Variants in DYM observed in about 807,000 individuals in gnomAD.
DYM encodes the protein dymeclin.
A neutral mutation model predicts 93.1 loss-of-function variants in DYM; 78 were observed. The ratio of observed to expected loss-of-function variants is 0.84; its 90% confidence interval spans 0.70 to 1.01. DYM has a LOEUF of 1.01. Among genes scored for constraint, DYM ranks in the 50% least tolerant of loss-of-function variants. The pLI, the probability that DYM is intolerant of heterozygous loss-of-function variation, is 0.00. For synonymous variants in DYM, 321 were observed against 319.7 expected, an observed-to-expected ratio of 1.00 and a Z score of -0.04; for missense variants, 789 against 845.0, an observed-to-expected ratio of 0.93 and a Z score of 0.82.
At chr18:49,308,154 A>G (rs572915436) in intron 8 of DYM, among the ~76,000 whole-genome samples, 102 of 152,198 alleles carry the variant, frequency 6.7e-4, no homozygotes, top group Non-Finnish European at 1.3e-3. Flanking sequence ...AAAGAATGAG[A>G]AAGACCAAAA....
chr18:49,116,815 A>G (rs2081963787), intron 16 of DYM, among the ~76,000 whole-genome samples: 2 of 152,222 alleles, frequency 1.3e-5, no homozygotes, highest in African/African-American at 4.8e-5. Flanking sequence ...CCCATAAAAG[A>G]AGACGGAGTT....
chr18:49,366,200 A>G (rs1876214), intron 5 of DYM, among the ~76,000 whole-genome samples: 29,151 of 152,128 alleles, frequency 0.19, 3,244 homozygotes, highest in East Asian at 0.33. Context: ...ACATCAAGCA[A>G]GCCATTCATA....
At chr18:49,197,908 A>G (rs1245522825) in intron 14 of DYM, among the ~76,000 whole-genome samples, 2 of 152,236 alleles carry the variant, frequency 1.3e-5, no homozygotes, top group Non-Finnish European at 2.9e-5. Flanking sequence ...ACCAAAAAAG[A>G]GCCCGCATCG....
intron 17 of DYM, among the ~76,000 whole-genome samples, chr18:49,077,584 G>A (rs190154444): frequency 3.5e-4 from 54 of 152,320 alleles, no homozygotes; most frequent in African/African-American, 1.3e-3. Context: ...GTTGCTGAGG[G>A]AGGGTTAAGT....
chr18:49,206,254 T>C (rs1179182454), intron 14 of DYM, among the ~76,000 whole-genome samples: 4 of 152,106 alleles, frequency 2.6e-5, no homozygotes, highest in African/African-American at 9.7e-5. Flanking sequence ...CATCTTGGCC[T>C]CCCAAAGTGC....
At chr18:49,203,871 T>TAAAAA (rs71165370) in intron 14 of DYM, among the ~76,000 whole-genome samples, 15 of 63,536 alleles carry the variant, frequency 2.4e-4, no homozygotes, top group Admixed American at 4.6e-4. Flanking sequence ...TTTAAAAAAG[T>TAAAAA]AAAAAAAAAA....
At chr18:49,124,081 A>G (rs2082612311) in intron 15 of DYM, among the ~76,000 whole-genome samples, 1 of 152,168 alleles carries the variant, frequency 6.6e-6, no homozygotes, top group Admixed American at 6.5e-5. Context: ...GTTTGTTCTC[A>G]ATGTTTAAAT....
intron 17 of DYM, among the ~76,000 whole-genome samples, chr18:49,080,568 G>A (rs1229934519): frequency 7.1e-6 from 1 of 141,164 alleles, no homozygotes; most frequent in East Asian, 2.2e-4. Context: ...CCTCCCGGAC[G>A]GGGCGGCTGG....
At chr18:49,223,261 T>C (rs540153999) in intron 13 of DYM, among the ~76,000 whole-genome samples, 1 of 152,226 alleles carries the variant, frequency 6.6e-6, no homozygotes, top group South Asian at 2.1e-4. Context: ...AAGCAAGGGG[T>C]ACTGCACAAC....
chr18:49,138,741 T>C (rs1273910929), intron 15 of DYM, among the ~76,000 whole-genome samples: 3 of 152,136 alleles, frequency 2.0e-5, no homozygotes, highest in Admixed American at 1.3e-4. Context: ...AGGGGAGAAC[T>C]GAAAATTGTG....
chr18:49,107,787 C>T (rs1393896572), intron 16 of DYM, among the ~76,000 whole-genome samples: 1 of 152,118 alleles, frequency 6.6e-6, no homozygotes, highest in Admixed American at 6.5e-5. Context: ...AGACGAGTAC[C>T]CGGCCGTGTG....
chr18:49,106,351 CT>C (rs2080807013), intron 16 of DYM, among the ~76,000 whole-genome samples: 1 of 152,100 alleles, frequency 6.6e-6, no homozygotes, highest in Non-Finnish European at 1.5e-5. Context: ...GGTCTTGACT[CT>C]TTATCCAATT....
At chr18:49,158,750 G>A (rs2086727974) in intron 15 of DYM, among the ~76,000 whole-genome samples, 1 of 152,142 alleles carries the variant, frequency 6.6e-6, no homozygotes, top group African/African-American at 2.4e-5. Context: ...GTTACCAGAG[G>A]CTGCGAAGGG....
intron 17 of DYM, among the ~76,000 whole-genome samples, chr18:49,060,387 G>A (rs1392401723): frequency 3.3e-5 from 5 of 152,016 alleles, no homozygotes; most frequent in Middle Eastern, 3.4e-3. Context: ...GTGCTGGTGC[G>A]GATGCTTCCC....
intron 15 of DYM, among the ~76,000 whole-genome samples, chr18:49,134,748 T>C (rs1047418348): frequency 2.6e-5 from 4 of 152,220 alleles, no homozygotes; most frequent in Non-Finnish European, 4.4e-5. Context: ...GATGTAGTCC[T>C]TGTCATTTAT....
At chr18:49,319,437 C>G (rs1322892166) in intron 8 of DYM, among the ~76,000 whole-genome samples, 1 of 151,960 alleles carries the variant, frequency 6.6e-6, no homozygotes, top group Non-Finnish European at 1.5e-5. Flanking sequence ...GGTAATTTTG[C>G]AAGCTGAAAG....
intron 13 of DYM, among the ~76,000 whole-genome samples, chr18:49,211,090 G>A (rs1225637751): frequency 6.6e-6 from 1 of 152,154 alleles, no homozygotes; most frequent in Non-Finnish European, 1.5e-5. Context: ...CTTTGGAAAA[G>A]TGCTTGCAAA....
At chr18:49,090,739 C>A (rs1191817126) in intron 17 of DYM, among the ~76,000 whole-genome samples, 12 of 152,154 alleles carry the variant, frequency 7.9e-5, no homozygotes, top group Non-Finnish European at 4.4e-5. Context: ...AAAATGAGAT[C>A]ACTGGAAAAA....
intron 8 of DYM, among the ~76,000 whole-genome samples, chr18:49,331,252 G>A (rs2063286367): frequency 6.6e-6 from 1 of 152,206 alleles, no homozygotes; most frequent in African/African-American, 2.4e-5. Flanking sequence ...CCCTCCACCA[G>A]AACTACTCTC....
Sources: gnomAD v4.1 joint callset for allele counts (sites outside exome capture counted in the v4.1 genomes callset) on GRCh38, gnomAD v4.1.1 for gene constraint, MANE v1.5 for transcripts, NCBI Gene and HGNC (gene_info 2026-07-23, HGNC 2026-07-21) for gene names.